The following NAALADL2 variants were observed in gnomAD, a reference collection of about 807,000 sequenced individuals.
NAALADL2 encodes N-acetylated alpha-linked acidic dipeptidase like 2.
NAALADL2 carries 76 observed loss-of-function variants against 87.2 expected under a neutral mutation model. The ratio of observed to expected loss-of-function variants is 0.87; its 90% confidence interval spans 0.72 to 1.05. The LOEUF (loss-of-function observed/expected upper bound fraction) is 1.05, where lower values mean the gene tolerates loss of function less well. NAALADL2 is among the 50% of genes least tolerant of loss of function. The probability of loss-of-function intolerance (pLI) is 0.00; values close to 1 mark genes in which losing one functional copy is unlikely to be tolerated. For missense variants in NAALADL2, 1,089 were observed against 945.8 expected (o/e 1.15, Z -1.99); for synonymous variants, 354 against 331.0 (o/e 1.07, Z -0.75).
intron 3 of NAALADL2, among the ~76,000 whole-genome samples, chr3:174,792,839 A>G (rs1717626185): frequency 6.6e-6 from 1 of 152,192 alleles, no homozygotes; most frequent in Non-Finnish European, 1.5e-5. Context: ...CATAGATGGA[A>G]TATTCATTTT....
At chr3:174,800,082 C>G (rs1333148476) in intron 3 of NAALADL2, among the ~76,000 whole-genome samples, 2 of 152,064 alleles carry the variant, frequency 1.3e-5, no homozygotes, top group African/African-American at 4.8e-5. Flanking sequence ...AAAAGGGAAA[C>G]AGCATGAAAG....
At chr3:174,655,087 A>G (rs1243164804) in intron 2 of NAALADL2, among the ~76,000 whole-genome samples, 1 of 152,180 alleles carries the variant, frequency 6.6e-6, no homozygotes, top group Non-Finnish European at 1.5e-5. Context: ...GACTGCATGC[A>G]TATTTATTTT....
chr3:174,902,696 TAAC>T (rs1560344096), intron 1 of NAALADL2, among the ~76,000 whole-genome samples: 1 of 152,134 alleles, frequency 6.6e-6, no homozygotes, highest in African/African-American at 2.4e-5. Context: ...TACTGAATAA[TAAC>T]AAGTTGGACT....
intron 2 of NAALADL2, among the ~76,000 whole-genome samples, chr3:175,187,373 C>T (rs548406227): frequency 4.6e-5 from 7 of 152,226 alleles, no homozygotes; most frequent in South Asian, 4.1e-4. Flanking sequence ...CTATCGTTGT[C>T]GATTCCAGCA....
At chr3:174,841,779 C>T (rs1286991468) in intron 3 of NAALADL2, among the ~76,000 whole-genome samples, 2 of 152,030 alleles carry the variant, frequency 1.3e-5, no homozygotes, top group African/African-American at 2.4e-5. Flanking sequence ...CTTTAGTGTT[C>T]TAGGGTTTTA....
chr3:174,521,342 GAT>G (rs1442072776), intron 1 of NAALADL2, among the ~76,000 whole-genome samples: 4 of 151,986 alleles, frequency 2.6e-5, no homozygotes. Flanking sequence ...GAGGCAGGCG[GAT>G]CACTTGAGGT....
chr3:175,064,821 G>A (rs543458367), intron 1 of NAALADL2, among the ~76,000 whole-genome samples: 3 of 152,038 alleles, frequency 2.0e-5, no homozygotes, highest in Admixed American at 6.6e-5. Flanking sequence ...AATCCTTCCC[G>A]GTGGAGCTGT....
intron 13 of NAALADL2, among the ~76,000 whole-genome samples, chr3:175,765,064 CTA>C (rs1315954231): frequency 5.3e-5 from 8 of 151,772 alleles, no homozygotes; most frequent in Non-Finnish European, 1.5e-5. Context: ...TTTCTTTAGA[CTA>C]TGAAAAAAAA....
chr3:175,608,306 T>G (rs1249044963), intron 10 of NAALADL2, among the ~76,000 whole-genome samples: 1 of 150,746 alleles, frequency 6.6e-6, no homozygotes, highest in Non-Finnish European at 1.5e-5. Context: ...TATTAAAATA[T>G]TGTTCCTCTT....
intron 2 of NAALADL2, among the ~76,000 whole-genome samples, chr3:174,612,218 C>A (rs1339528021): frequency 6.6e-6 from 1 of 152,042 alleles, no homozygotes; most frequent in African/African-American, 2.4e-5. Flanking sequence ...CTTTTAGGAT[C>A]CTTTATCCTT....
intron 12 of NAALADL2, among the ~76,000 whole-genome samples, chr3:175,746,405 AG>A (rs2150111304): frequency 6.6e-6 from 1 of 151,462 alleles, no homozygotes; most frequent in Non-Finnish European, 1.5e-5. Flanking sequence ...TTTCCCAACT[AG>A]CAAAATTAAG....
intron 3 of NAALADL2, among the ~76,000 whole-genome samples, chr3:175,236,422 T>G (rs1663284384): frequency 6.6e-6 from 1 of 150,996 alleles, no homozygotes; most frequent in African/African-American, 2.4e-5. Flanking sequence ...GGTGGCAGGC[T>G]CCTGTAATCC....
At chr3:175,231,234 A>G (rs1211050251) in intron 2 of NAALADL2, among the ~76,000 whole-genome samples, 1 of 152,060 alleles carries the variant, frequency 6.6e-6, no homozygotes, top group Non-Finnish European at 1.5e-5. Flanking sequence ...CTGGGGATCA[A>G]GGTAAGTGAT....
At chr3:174,927,578 G>A (rs1184829471) in intron 1 of NAALADL2, among the ~76,000 whole-genome samples, 1 of 152,114 alleles carries the variant, frequency 6.6e-6, no homozygotes, top group Admixed American at 6.5e-5. Context: ...TCAACTACAT[G>A]GAAACTGAAC....
upstream of NAALADL2, among the ~76,000 whole-genome samples, chr3:174,855,665 T>A (rs1006358488): frequency 6.6e-6 from 1 of 151,792 alleles, no homozygotes; most frequent in Non-Finnish European, 1.5e-5. Context: ...TTTATTCATT[T>A]TCACAAAATT....
chr3:174,644,896 T>C (rs1353658115), intron 2 of NAALADL2, among the ~76,000 whole-genome samples: 2 of 152,226 alleles, frequency 1.3e-5, no homozygotes. Context: ...GCTTTAAAAA[T>C]TCTGTTTAAA....
intron 9 of NAALADL2, among the ~76,000 whole-genome samples, chr3:175,487,956 G>A (rs2149336572): frequency 6.6e-6 from 1 of 152,244 alleles, no homozygotes; most frequent in East Asian, 1.9e-4. Flanking sequence ...ACCAATTTAA[G>A]TAAGGGGATT....
intron 1 of NAALADL2, among the ~76,000 whole-genome samples, chr3:174,516,364 T>G (rs1434186389): frequency 6.6e-6 from 1 of 152,096 alleles, no homozygotes; most frequent in African/African-American, 2.4e-5. Flanking sequence ...ATGAGACCTT[T>G]GTTTTTTCCT....
chr3:174,784,341 G>A (rs904687967), intron 3 of NAALADL2, among the ~76,000 whole-genome samples: 26 of 152,168 alleles, frequency 1.7e-4, no homozygotes, highest in African/African-American at 5.8e-4. Context: ...ATCTCCAATT[G>A]CATTATGTGG....
Sources: gnomAD v4.1 joint callset for allele counts (sites outside exome capture counted in the v4.1 genomes callset) on GRCh38, gnomAD v4.1.1 for gene constraint, MANE v1.5 for transcripts, NCBI Gene and HGNC (gene_info 2026-07-23, HGNC 2026-07-21) for gene names.